Variants in NUDT3 observed in about 807,000 individuals in gnomAD.
NUDT3 encodes the protein diphosphoinositol polyphosphate phosphohydrolase 1.
Under a neutral mutation model 23.6 loss-of-function variants are expected in NUDT3, and 9 were observed. That is an observed-to-expected ratio of 0.38 (90% confidence interval 0.23 to 0.66). The LOEUF is 0.66. Ranked by LOEUF, NUDT3 falls within the 30% of genes least tolerant of loss-of-function variation. The pLI is 0.52. For synonymous variants in NUDT3, 86 were observed against 82.6 expected (o/e 1.04, Z -0.22); for missense variants, 172 against 218.5 (o/e 0.79, Z 1.34).
chr6:34,314,672 A>T (rs1044666194), intron 2 of NUDT3, among the ~76,000 whole-genome samples: 7 of 152,230 alleles, frequency 4.6e-5, no homozygotes, highest in Non-Finnish European at 7.4e-5. Context: ...TCCTCCTAAC[A>T]ACGGTAATAG....
chr6:34,326,167 A>C (rs1171050132), intron 2 of NUDT3, among the ~76,000 whole-genome samples: 1 of 152,254 alleles, frequency 6.6e-6, no homozygotes, highest in East Asian at 1.9e-4. Flanking sequence ...GCTTTTAAAC[A>C]AACGGGAGCA....
chr6:34,355,308 T>G (rs1764545147), intron 1 of NUDT3, among the ~76,000 whole-genome samples: 1 of 152,196 alleles, frequency 6.6e-6, no homozygotes, highest in Non-Finnish European at 1.5e-5. Flanking sequence ...TTTTTTAGTC[T>G]GTCAGTGTGG....
Position 34,285,538 on chromosome 6 carries a change from A to T in NUDT3, c.*3215T>A, listed in dbSNP as rs1763324076. On this transcript the variant is annotated 3_prime_UTR_variant, in exon 5 of 5. Coordinates refer to ENST00000607016, the MANE Select transcript of NUDT3 (RefSeq NM_006703.4). ...GAGCGAGAGGCTAGGGATCTGCCCT[A>T]AACATAGGAACCTGTTTCTATCAAG... 1 of 152,344 alleles carries T rather than the reference A, an allele frequency of 6.6e-6. No individual in the cohort carries two copies. The highest frequency in any genetic ancestry group is 1.9e-4 in the East Asian group (1 of 5,188). 9.4% of individuals were successfully genotyped at this position (152,344 alleles called of 1,614,324 possible). A position where few individuals can be genotyped will look rare whatever the true frequency, so the allele number is the denominator to read the frequency against.
At chr6:34,295,537 A>T (rs551266711) in intron 3 of NUDT3, 104 bp downstream of exon 3, 6 of 622,130 alleles carry the variant, frequency 9.6e-6, no homozygotes, top group African/African-American at 4.4e-5. Flanking sequence ...AAAAATAACT[A>T]AAAAAAAAAA....
intron 2 of NUDT3, among the ~76,000 whole-genome samples, chr6:34,299,901 A>C (rs1763572939): frequency 9.0e-6 from 1 of 110,862 alleles, no homozygotes. Context: ...AGACTGTCTC[A>C]AAAAAAAAAA....
intron 2 of NUDT3, 107 bp from the exon 3 acceptor site, chr6:34,295,792 C>A: frequency 1.5e-6 from 2 of 1,360,544 alleles, no homozygotes; most frequent in South Asian, 1.3e-5. Context: ...CAAGAGGACA[C>A]AGCTTGGGCA....
chr6:34,360,930 T>C lies in NUDT3; in HGVS notation c.100-18958A>G, dbSNP rs58600226. Among the ~76,000 whole-genome samples, 954 of 152,176 alleles carry C rather than the reference T, an allele frequency of 6.3e-3. 11 individuals carry two copies. Among genetic ancestry groups the C allele is most frequent in the African/African-American group, 0.022 (904 of 41,534 alleles). On this transcript the variant is annotated intron_variant, in intron 1 of 4. Coordinates refer to ENST00000607016, the MANE Select transcript of NUDT3 (RefSeq NM_006703.4). Reference sequence around the variant, plus strand: ...TGAACAGACACCTCATGAAGAAATATATACATATGGGGCCAGGAGCAGTAG... The same window carrying C: ...TGAACAGACACCTCATGAAGAAATACATACATATGGGGCCAGGAGCAGTAG...
intron 1 of NUDT3, among the ~76,000 whole-genome samples, chr6:34,345,922 C>T (rs982920113): frequency 1.3e-5 from 2 of 151,994 alleles, no homozygotes; most frequent in Non-Finnish European, 2.9e-5. Context: ...GAATGCACCA[C>T]CACGCCCGGC....
At chr6:34,296,183 C>A (rs1196146874) in intron 2 of NUDT3, among the ~76,000 whole-genome samples, 1 of 152,098 alleles carries the variant, frequency 6.6e-6, no homozygotes, top group East Asian at 1.9e-4. Flanking sequence ...GTGAGAGGAT[C>A]ACCTGAGCCC....
At chr6:34,368,671 C>T (rs1764777548) in intron 1 of NUDT3, among the ~76,000 whole-genome samples, 3 of 152,166 alleles carry the variant, frequency 2.0e-5, no homozygotes, top group South Asian at 4.1e-4. Context: ...CAGAGTCTCA[C>T]TCTGTCGCCC....
At chr6:34,371,900 C>T (rs1046052222) in intron 1 of NUDT3, among the ~76,000 whole-genome samples, 3 of 152,178 alleles carry the variant, frequency 2.0e-5, no homozygotes, top group African/African-American at 7.2e-5. Context: ...CCCCTAACCC[C>T]ACACTACAAC....
intron 1 of NUDT3, among the ~76,000 whole-genome samples, chr6:34,367,901 G>A (rs1764763902): frequency 6.6e-6 from 1 of 152,140 alleles, no homozygotes; most frequent in Non-Finnish European, 1.5e-5. Flanking sequence ...GAAGAATGGA[G>A]AGGTTAAAAG....
At chr6:34,392,067 A>C (rs1436149259) in intron 1 of NUDT3, among the ~76,000 whole-genome samples, 197 bp downstream of exon 1, 2 of 151,764 alleles carry the variant, frequency 1.3e-5, no homozygotes, top group Non-Finnish European at 2.9e-5. Flanking sequence ...GTGCAGCCGC[A>C]CTCAAACCCG....
chr6:34,383,558 C>G (rs541207870), intron 1 of NUDT3, among the ~76,000 whole-genome samples: 1 of 152,260 alleles, frequency 6.6e-6, no homozygotes, highest in South Asian at 2.1e-4. Context: ...CAAGGTCTTA[C>G]ACAGACACTC....
chr6:34,384,548 C>A lies in NUDT3; in HGVS notation c.99+7716G>T, dbSNP rs1038844185. On this transcript the variant is annotated intron_variant, in intron 1 of 4. Transcript: ENST00000607016. The stretch of plus-strand genomic sequence containing the variant: ...TGTCTCTCACTTCTCCTCACAGAGG[C>A]TCTAAAAAAGGAAAGGCTGGGGGAA... Among the ~76,000 whole-genome samples, 3 of 152,226 alleles carry A rather than the reference C, an allele frequency of 2.0e-5. No homozygotes were observed. In the South Asian group the frequency reaches 6.2e-4, roughly 32 times the overall value.
In NUDT3 at chr6:34,385,256, G is replaced by A. The variant is rs531655882; in HGVS notation, c.99+7008C>T. On this transcript the variant is annotated intron_variant, in intron 1 of 4. Coordinates refer to ENST00000607016, the MANE Select transcript of NUDT3 (RefSeq NM_006703.4). The stretch of plus-strand genomic sequence containing the variant: ...AGGATCACTTGAGCCAGGAGTTCCA[G>A]ACCAGTCTGGGAAACATGAGACCTC... Among the ~76,000 whole-genome samples, 263 of 152,036 alleles carry A rather than the reference G, an allele frequency of 1.7e-3. 2 individuals are homozygous for A. Among genetic ancestry groups the A allele is most frequent in the Admixed American group, 2.7e-3 (41 of 15,268 alleles).
At chr6:34,320,458 G>A (rs760761237) in intron 2 of NUDT3, among the ~76,000 whole-genome samples, 4 of 152,054 alleles carry the variant, frequency 2.6e-5, no homozygotes, top group Admixed American at 6.5e-5. Context: ...TCCTAACCTC[G>A]TGATCCGCCC....
At chr6:34,315,323 C>T (rs1295096936) in intron 2 of NUDT3, among the ~76,000 whole-genome samples, 1 of 152,186 alleles carries the variant, frequency 6.6e-6, no homozygotes, top group Non-Finnish European at 1.5e-5. Flanking sequence ...TTCAACTTTG[C>T]CAAATACCAC....
intron 1 of NUDT3, among the ~76,000 whole-genome samples, chr6:34,382,878 AG>A (rs1195194018): frequency 6.6e-6 from 1 of 151,866 alleles, no homozygotes; most frequent in Non-Finnish European, 1.5e-5. Context: ...CTGTAATCCT[AG>A]CACTTTGGGA....
Sources: allele counts gnomAD v4.1 joint callset (sites outside exome capture counted in the v4.1 genomes callset), GRCh38; gene constraint gnomAD v4.1.1; transcripts MANE v1.5; gene names NCBI Gene and HGNC (gene_info 2026-07-23, HGNC 2026-07-21).